The following GALNTL6 variants were observed in gnomAD, a reference collection of about 807,000 sequenced individuals.
GALNTL6 encodes polypeptide N-acetylgalactosaminyltransferase-like 6.
GALNTL6 carries 46 observed loss-of-function variants against 73.7 expected under a neutral mutation model. The observed-to-expected ratio is 0.62, with a 90% CI of 0.49 to 0.80. The LOEUF (loss-of-function observed/expected upper bound fraction) is 0.80, where lower values mean the gene tolerates loss of function less well. Among genes scored for constraint, GALNTL6 ranks in the 30% least tolerant of loss-of-function variants. GALNTL6 has a pLI of 0.00. For synonymous variants in GALNTL6, 259 were observed against 263.7 expected (o/e 0.98, Z 0.17); for missense variants, 604 against 755.0 (o/e 0.80, Z 2.34).
intron 2 of GALNTL6, among the ~76,000 whole-genome samples, chr4:172,032,368 T>G (rs1041733922): frequency 1.3e-5 from 2 of 149,054 alleles, no homozygotes; most frequent in African/African-American, 2.6e-5. Flanking sequence ...AATCATTAAA[T>G]GTTGTGTCAG....
chr4:171,951,922 T>G (rs1056680431), intron 2 of GALNTL6, among the ~76,000 whole-genome samples: 22 of 151,976 alleles, frequency 1.4e-4, no homozygotes, highest in Non-Finnish European at 2.7e-4. Flanking sequence ...TATTGAGCAA[T>G]GTATCCCAGA....
chr4:171,871,294 C>T (rs1036054906), intron 2 of GALNTL6, among the ~76,000 whole-genome samples: 1 of 152,134 alleles, frequency 6.6e-6, no homozygotes, highest in East Asian at 1.9e-4. Context: ...AACAGACTAA[C>T]AATTACTACT....
At chr4:172,074,036 C>T (rs903880801) in intron 2 of GALNTL6, among the ~76,000 whole-genome samples, 4 of 152,168 alleles carry the variant, frequency 2.6e-5, no homozygotes, top group African/African-American at 4.8e-5. Context: ...ACCTGTAGAA[C>T]TAGCAGAGTA....
rs138850466 is a variant in GALNTL6 at position 172,158,417 on chromosome 4, A to T, written c.139-71239A>T. ...GGTTACTCAGATTTTATTCTCATTA[A>T]AAAAAAAAACAGCTAGCAAACTTTT... On this transcript the variant is annotated intron_variant, in intron 2 of 12. Transcript: ENST00000506823. Among the ~76,000 whole-genome samples, 8 of 151,046 alleles carry T rather than the reference A, an allele frequency of 5.3e-5. No individual in the cohort carries two copies. In the East Asian group the frequency reaches 7.8e-4, roughly 15 times the overall value.
At chr4:171,988,481 A>T (rs911071811) in intron 2 of GALNTL6, among the ~76,000 whole-genome samples, 15 of 152,268 alleles carry the variant, frequency 9.9e-5, no homozygotes, top group South Asian at 2.1e-4. Flanking sequence ...GCTGGGATGA[A>T]GGGTGCAAAG....
intron 2 of GALNTL6, among the ~76,000 whole-genome samples, chr4:171,863,679 T>C (rs1735897755): frequency 6.6e-6 from 1 of 152,130 alleles, no homozygotes; most frequent in African/African-American, 2.4e-5. Flanking sequence ...AGAAAAAAAT[T>C]ATAAGTCCTC....
At chr4:172,063,679 T>G (rs1307105050) in intron 2 of GALNTL6, among the ~76,000 whole-genome samples, 2 of 152,160 alleles carry the variant, frequency 1.3e-5, no homozygotes, top group East Asian at 3.9e-4. Context: ...CTACAGACAA[T>G]CCATAAAGCC....
At chr4:172,353,958 A>T (rs1742057464) in intron 5 of GALNTL6, among the ~76,000 whole-genome samples, 1 of 152,152 alleles carries the variant, frequency 6.6e-6, no homozygotes, top group African/African-American at 2.4e-5. Context: ...CATTAAGGAA[A>T]GTTTCCATAA....
chr4:173,005,286 T>C (rs1383275182), intron 10 of GALNTL6, among the ~76,000 whole-genome samples: 1 of 152,190 alleles, frequency 6.6e-6, no homozygotes, highest in Non-Finnish European at 1.5e-5. Context: ...ACTGCCTCAT[T>C]TTCTAATCCT....
At chr4:172,145,244 A>G (rs1369945947) in intron 2 of GALNTL6, among the ~76,000 whole-genome samples, 1 of 151,898 alleles carries the variant, frequency 6.6e-6, no homozygotes, top group Non-Finnish European at 1.5e-5. Flanking sequence ...GGTTCACGCC[A>G]TTCTCCTGCC....
intron 2 of GALNTL6, among the ~76,000 whole-genome samples, chr4:171,930,564 GT>G (rs202030809): frequency 5.3e-5 from 8 of 152,312 alleles, no homozygotes; most frequent in East Asian, 1.9e-4. Flanking sequence ...GCCAGGCATG[GT>G]GGCTCATGCC....
intron 5 of GALNTL6, among the ~76,000 whole-genome samples, chr4:172,702,981 T>G (rs936791592): frequency 2.0e-5 from 3 of 151,980 alleles, no homozygotes; most frequent in African/African-American, 7.2e-5. Context: ...TTTTTTTGGT[T>G]GTTTTATGTA....
At chr4:172,551,958 T>C (rs1735973232) in intron 5 of GALNTL6, among the ~76,000 whole-genome samples, 1 of 152,114 alleles carries the variant, frequency 6.6e-6, no homozygotes, top group South Asian at 2.1e-4. Flanking sequence ...GTCAGGAGTA[T>C]AAAAAGAAAT....
chr4:172,480,546 G>T (rs868095438), intron 5 of GALNTL6, among the ~76,000 whole-genome samples: 1 of 152,190 alleles, frequency 6.6e-6, no homozygotes, highest in African/African-American at 2.4e-5. Context: ...GATAAAAAGG[G>T]ATGAGTGAAA....
At chr4:172,223,949 G>A (rs566847939) in intron 2 of GALNTL6, among the ~76,000 whole-genome samples, 7 of 152,144 alleles carry the variant, frequency 4.6e-5, no homozygotes, top group African/African-American at 1.4e-4. Context: ...CATATAAAAA[G>A]TTAATCATGC....
At chr4:172,471,884 C>T (rs901641957) in intron 5 of GALNTL6, among the ~76,000 whole-genome samples, 1 of 152,174 alleles carries the variant, frequency 6.6e-6, no homozygotes, top group Non-Finnish European at 1.5e-5. Flanking sequence ...TCAGTTGGCT[C>T]ACTTAATTTT....
At chr4:172,985,518 G>A (rs926528756) in intron 10 of GALNTL6, among the ~76,000 whole-genome samples, 7 of 152,196 alleles carry the variant, frequency 4.6e-5, no homozygotes, top group Admixed American at 4.6e-4. Flanking sequence ...ACAGGGAATT[G>A]CAATAAAGAG....
intron 10 of GALNTL6, among the ~76,000 whole-genome samples, chr4:172,956,575 T>G (rs928587299): frequency 2.0e-5 from 3 of 152,080 alleles, no homozygotes; most frequent in Non-Finnish European, 4.4e-5. Context: ...GAACAGTGAA[T>G]AGGAGTATGA....
chr4:172,589,013 C>T (rs943852953), intron 5 of GALNTL6, among the ~76,000 whole-genome samples: 4 of 152,012 alleles, frequency 2.6e-5, no homozygotes, highest in Admixed American at 2.0e-4. Flanking sequence ...CTACATTAGT[C>T]GATTAAATAT....
Sources: gnomAD v4.1 joint callset for allele counts (sites outside exome capture counted in the v4.1 genomes callset) on GRCh38, gnomAD v4.1.1 for gene constraint, MANE v1.5 for transcripts, NCBI Gene and HGNC (gene_info 2026-07-23, HGNC 2026-07-21) for gene names.